Variants in ZC3H12B observed in about 807,000 individuals in gnomAD.
ZC3H12B encodes probable ribonuclease ZC3H12B.
Under a neutral mutation model 43.9 loss-of-function variants are expected in ZC3H12B, and 7 were observed. The observed-to-expected ratio is 0.16, with a 90% CI of 0.09 to 0.30. The LOEUF (loss-of-function observed/expected upper bound fraction) is 0.30. Ranked by LOEUF, ZC3H12B falls within the 10% of genes least tolerant of loss-of-function variation. The probability of loss-of-function intolerance (pLI) is 1.00; values close to 1 mark genes in which losing one functional copy is unlikely to be tolerated. For missense variants in ZC3H12B, 475 were observed against 670.2 expected (o/e 0.71, Z 3.22); for synonymous variants, 222 against 241.7 (o/e 0.92, Z 0.76).
chrX:65,100,566 CAAAAAAAAAAAAAAAA>C, the ZC3H12B span, among the ~76,000 whole-genome samples: 1 of 4,531 alleles, frequency 2.2e-4, no homozygotes, highest in Non-Finnish European at 3.6e-4. Context: ...AAAGATAAAG[CAAAAAAAAAAAAAAAA>C]AAAAAAAAAA....
chrX:65,341,683 C>T, the ZC3H12B span, among the ~76,000 whole-genome samples: 1 of 110,969 alleles, frequency 9.0e-6, no homozygotes, highest in South Asian at 3.8e-4. Context: ...TACCACCAGA[C>T]CTGCCTTACA....
chrX:65,095,852 C>T, the ZC3H12B span, among the ~76,000 whole-genome samples: 6 of 110,849 alleles, frequency 5.4e-5, no homozygotes, highest in African/African-American at 1.6e-4. Flanking sequence ...GGGCCATGCT[C>T]ATTAAAAGAC....
chrX:65,177,847 G>T, the ZC3H12B span, among the ~76,000 whole-genome samples: 1 of 112,293 alleles, frequency 8.9e-6, no homozygotes, highest in Non-Finnish European at 1.9e-5. Flanking sequence ...TGGCCATAGT[G>T]CCAAAAGTAA....
chrX:65,447,971 A>G (rs12013937), intron 3 of ZC3H12B, among the ~76,000 whole-genome samples: 26,767 of 110,862 alleles, frequency 0.24, 7,668 homozygotes, highest in African/African-American at 0.83. Context: ...GGTGGCTCAC[A>G]CCTGTAATCC....
At chrX:65,235,713 T>C in the ZC3H12B span, among the ~76,000 whole-genome samples, 1 of 111,859 alleles carries the variant, frequency 8.9e-6, no homozygotes, top group Non-Finnish European at 1.9e-5. Context: ...AACTCGAAGA[T>C]GCCAGCAATC....
chrX:65,274,465 G>C, the ZC3H12B span, among the ~76,000 whole-genome samples: 3 of 110,366 alleles, frequency 2.7e-5, no homozygotes, highest in East Asian at 8.6e-4. Context: ...CACAACCCCA[G>C]CTGTGTGGAG....
chrX:65,163,489 C>A, the ZC3H12B span, among the ~76,000 whole-genome samples: 1 of 111,480 alleles, frequency 9.0e-6, no homozygotes, highest in Admixed American at 9.6e-5. Flanking sequence ...CACCCCTCCC[C>A]CAGCCTCGCT....
chrX:65,488,623 G>A (rs2148223565), upstream of ZC3H12B: 2 of 419,628 alleles, frequency 4.8e-6, no homozygotes, highest in Non-Finnish European at 7.5e-6. Flanking sequence ...TAAATATGAT[G>A]TGGTATGTGT....
the ZC3H12B span, among the ~76,000 whole-genome samples, chrX:65,097,784 A>G: frequency 4.5e-5 from 5 of 111,769 alleles, no homozygotes; most frequent in Non-Finnish European, 9.4e-5. Context: ...CATTACTTAT[A>G]TGGGACTTTT....
the ZC3H12B span, among the ~76,000 whole-genome samples, chrX:65,062,747 G>T: frequency 8.9e-6 from 1 of 111,907 alleles, no homozygotes; most frequent in Non-Finnish European, 1.9e-5. Flanking sequence ...AATTACTTTG[G>T]ACTGTGTGGC....
At chrX:65,216,857 G>T in the ZC3H12B span, among the ~76,000 whole-genome samples, 6 of 112,224 alleles carry the variant, frequency 5.3e-5, no homozygotes, top group East Asian at 1.7e-3. Context: ...CAGGCCATAA[G>T]AGAATATGTT....
chrX:65,452,074 C>T (rs1293137757), intron 3 of ZC3H12B, among the ~76,000 whole-genome samples: 1 of 111,835 alleles, frequency 8.9e-6, no homozygotes, highest in Non-Finnish European at 1.9e-5. Context: ...AAAGTGAATA[C>T]TCCAGTGTCA....
chrX:65,283,074 A>G, the ZC3H12B span, among the ~76,000 whole-genome samples: 1 of 112,018 alleles, frequency 8.9e-6, no homozygotes, highest in Non-Finnish European at 1.9e-5. Context: ...AAAATCCTCA[A>G]TAAAATTCTC....
At chrX:65,312,719 T>A in the ZC3H12B span, among the ~76,000 whole-genome samples, 1 of 111,613 alleles carries the variant, frequency 9.0e-6, no homozygotes, top group Non-Finnish European at 1.9e-5. Flanking sequence ...ATTTCCCAGT[T>A]TAAAATGATG....
At chrX:65,184,120 G>A in the ZC3H12B span, among the ~76,000 whole-genome samples, 2 of 111,293 alleles carry the variant, frequency 1.8e-5, no homozygotes, top group African/African-American at 6.5e-5. Flanking sequence ...TCAGATAAAT[G>A]TTAGTTGCCT....
the ZC3H12B span, among the ~76,000 whole-genome samples, chrX:65,202,830 A>T: frequency 1.8e-5 from 2 of 110,974 alleles, no homozygotes; most frequent in East Asian, 5.7e-4. Flanking sequence ...CTTCCTTTCC[A>T]GGTGGCAAGT....
the ZC3H12B span, among the ~76,000 whole-genome samples, chrX:65,057,977 C>T: frequency 1.8e-5 from 2 of 111,624 alleles, no homozygotes; most frequent in Non-Finnish European, 3.8e-5. Flanking sequence ...TCTGGTTAGC[C>T]ATTCGTCCAA....
At chrX:65,135,078 G>A in the ZC3H12B span, among the ~76,000 whole-genome samples, 2 of 111,045 alleles carry the variant, frequency 1.8e-5, no homozygotes, top group Non-Finnish European at 3.8e-5. Context: ...GCTTAGCTTG[G>A]GCTCAGAGGC....
At chrX:65,104,648 T>C in the ZC3H12B span, among the ~76,000 whole-genome samples, 25 of 111,607 alleles carry the variant, frequency 2.2e-4, no homozygotes, top group Non-Finnish European at 3.8e-4. Context: ...AACAAACATA[T>C]GAAAAAAAGC....
Sources: allele counts gnomAD v4.1 joint callset (sites outside exome capture counted in the v4.1 genomes callset), GRCh38; gene constraint gnomAD v4.1.1; transcripts MANE v1.5; gene names NCBI Gene and HGNC (gene_info 2026-07-23, HGNC 2026-07-21).